The following CEP112 variants were observed in gnomAD, a reference collection of about 807,000 sequenced individuals.
The protein encoded by CEP112 is centrosomal protein 112, also known as centrosomal protein of 112 kDa.
A neutral mutation model predicts 153.0 loss-of-function variants in CEP112; 127 were observed. The ratio of observed to expected loss-of-function variants is 0.83; its 90% CI spans 0.72 to 0.96. The LOEUF is 0.96. Ranked by LOEUF, CEP112 falls within the 40% of genes least tolerant of loss-of-function variation. The pLI is 0.00. For synonymous variants in CEP112, 358 were observed against 374.4 expected (o/e 0.96, Z 0.51); for missense variants, 1,089 against 1,101.2 (o/e 0.99, Z 0.16).
chr17:65,970,755 A>G (rs1010655252), intron 17 of CEP112, among the ~76,000 whole-genome samples: 2 of 51,980 alleles, frequency 3.8e-5, no homozygotes, highest in Non-Finnish European at 8.1e-5. Flanking sequence ...CATGCACATT[A>G]CAGGTATGTT....
chr17:65,921,196 T>C (rs1027009485), intron 19 of CEP112, among the ~76,000 whole-genome samples: 14 of 152,104 alleles, frequency 9.2e-5, no homozygotes, highest in African/African-American at 3.4e-4. Flanking sequence ...GTCAGACGGC[T>C]CCACGAAAGC....
intron 24 of CEP112, among the ~76,000 whole-genome samples, chr17:65,670,107 A>T (rs1252786871): frequency 6.6e-6 from 1 of 151,924 alleles, no homozygotes; most frequent in Non-Finnish European, 1.5e-5. Context: ...TTCTCTTTTT[A>T]AAAATAACCT....
chr17:65,723,594 T>C (rs1039344550), intron 23 of CEP112, among the ~76,000 whole-genome samples: 34 of 152,136 alleles, frequency 2.2e-4, no homozygotes, highest in African/African-American at 8.0e-4. Flanking sequence ...ACGGCAAGAA[T>C]ATAAAAGATG....
chr17:65,782,624 T>G (rs117732254), intron 21 of CEP112, among the ~76,000 whole-genome samples: 1 of 152,062 alleles, frequency 6.6e-6, no homozygotes, highest in Non-Finnish European at 1.5e-5. Context: ...ATAAAGAAAA[T>G]GTGGTACATA....
At chr17:66,000,922 T>C (rs1157649347) in intron 17 of CEP112, among the ~76,000 whole-genome samples, 2 of 152,234 alleles carry the variant, frequency 1.3e-5, no homozygotes, top group Non-Finnish European at 2.9e-5. Context: ...CTGATCGTCC[T>C]GCGCTGTGAT....
At chr17:65,735,589 G>C (rs2050756758) in intron 23 of CEP112, among the ~76,000 whole-genome samples, 1 of 152,066 alleles carries the variant, frequency 6.6e-6, no homozygotes, top group African/African-American at 2.4e-5. Context: ...TTGAGAAATT[G>C]TAAGTTGAGC....
chr17:65,772,575 TACACACACACACACACAC>T (rs34758953), intron 21 of CEP112, among the ~76,000 whole-genome samples: 2 of 133,412 alleles, frequency 1.5e-5, no homozygotes, highest in African/African-American at 6.2e-5. Flanking sequence ...CTCTATTTAT[TACACACACACACACACAC>T]ACACACACAC....
chr17:65,637,175 T>A lies in CEP112; in HGVS notation c.2813A>T (p.Gln938Leu). Reference protein sequence around the residue: ...SSLKSQVNFLQKRASILQEEL... With the variant: ...SSLKSQVNFLLKRASILQEEL... ...TTCCTGAAGGATGGAAGCTCTCTTT[T>A]GCAGAAAATTAACCTAGAAAAGACA... The change falls in exon 26 of 27, where the codon CAA becomes CTA. Residue 938 changes from glutamine (Q) to leucine (L), a missense_variant. By Grantham distance (113) the Gln-to-Leu change is moderately radical. Transcript: ENST00000535342. The A allele has an allele frequency of 6.2e-7, 1 of 1,613,930 alleles. No individual in the cohort carries two copies. The highest frequency in any genetic ancestry group is 8.5e-7 in the Non-Finnish European group (1 of 1,179,778).
chr17:66,045,188 G>A (rs958903601), intron 12 of CEP112, among the ~76,000 whole-genome samples: 2 of 151,544 alleles, frequency 1.3e-5, no homozygotes, highest in East Asian at 3.9e-4. Context: ...CTCCCACCTC[G>A]GCCCCACAAG....
Position 66,005,711 on chromosome 17 carries a change from T to C in CEP112, c.1715A>G (p.His572Arg), listed in dbSNP as rs753727297. Residue 572 changes from histidine (H) to arginine (R), a missense_variant, in exon 17 of 27, where the codon CAT (histidine) becomes CGT (arginine). Physicochemically the swap from His to Arg is conservative, Grantham distance 29 (BLOSUM62 0). Transcript: ENST00000535342. ...TCACTTCAAAGCTTCCTCAAATTTA[T>C]GAATTTTCTTTTGAGTATCTTCTTT... ...KGKEDTQKKI[H>R]KFEEALKEKE... The C allele has an allele frequency of 8.1e-6, 13 of 1,610,638 alleles. No homozygotes were observed. In the South Asian group the frequency reaches 1.1e-4, roughly 14 times the overall value.
At chr17:66,023,233 T>C (rs1424165376) in intron 16 of CEP112, among the ~76,000 whole-genome samples, 1 of 152,102 alleles carries the variant, frequency 6.6e-6, no homozygotes, top group African/African-American at 2.4e-5. Flanking sequence ...AAAAAGATAT[T>C]GCAAGATGCA....
chr17:65,837,569 G>A (rs1313690079), intron 21 of CEP112, among the ~76,000 whole-genome samples: 2 of 152,106 alleles, frequency 1.3e-5, no homozygotes, highest in Admixed American at 1.3e-4. Flanking sequence ...CTGCCCGGCT[G>A]CCGCCCCGTC....
chr17:66,038,890 G>A (rs62063430), intron 12 of CEP112, among the ~76,000 whole-genome samples: 2,435 of 152,270 alleles, frequency 0.016, 25 homozygotes, highest in Non-Finnish European at 0.024. Context: ...TGGAGTAAGA[G>A]GAGACAGGGA....
chr17:66,095,436 A>G (rs2146273596), intron 8 of CEP112, among the ~76,000 whole-genome samples: 1 of 152,304 alleles, frequency 6.6e-6, no homozygotes, highest in East Asian at 1.9e-4. Flanking sequence ...CAAATACCAC[A>G]TGATCTCACT....
chr17:65,688,837 G>A (rs747042523), intron 24 of CEP112: 12 of 248,022 alleles, frequency 4.8e-5, no homozygotes, highest in East Asian at 9.8e-5. Flanking sequence ...GTGCGATCTC[G>A]GCTCACTGCA....
chr17:66,003,542 A>G (rs1300705697), intron 17 of CEP112, among the ~76,000 whole-genome samples: 1 of 152,228 alleles, frequency 6.6e-6, no homozygotes, highest in Non-Finnish European at 1.5e-5. Flanking sequence ...TTACATCTTG[A>G]GCTGTCTTCT....
intron 17 of CEP112, among the ~76,000 whole-genome samples, chr17:65,990,610 G>A (rs895122697): frequency 4.6e-5 from 7 of 152,226 alleles, no homozygotes; most frequent in African/African-American, 1.7e-4. Context: ...GAGGTGAACC[G>A]CTCATCCCAA....
intron 21 of CEP112, among the ~76,000 whole-genome samples, chr17:65,758,634 C>A (rs1438985838): frequency 6.6e-5 from 10 of 151,948 alleles, no homozygotes; most frequent in African/African-American, 1.2e-4. Context: ...TAAGGCAAGC[C>A]CAGATCTTAC....
At chr17:65,841,993 T>C (rs1248472191) in intron 21 of CEP112, among the ~76,000 whole-genome samples, 1 of 151,974 alleles carries the variant, frequency 6.6e-6, no homozygotes, top group Non-Finnish European at 1.5e-5. Context: ...ATATAAAACT[T>C]TGATGATAGC....
Sources: gnomAD v4.1 joint callset for allele counts (sites outside exome capture counted in the v4.1 genomes callset) on GRCh38, gnomAD v4.1.1 for gene constraint, MANE v1.5 for transcripts, NCBI Gene and HGNC (gene_info 2026-07-23, HGNC 2026-07-21) for gene names.